The following LCTL variants were observed in gnomAD, a reference collection of about 807,000 sequenced individuals.
LCTL encodes the protein lactase-like protein.
In LCTL, 76 loss-of-function variants were observed where a neutral mutation model predicts 75.8. The ratio of observed to expected loss-of-function variants is 1.00; its 90% CI spans 0.83 to 1.21. LCTL has a LOEUF of 1.21. Ranked by LOEUF, LCTL falls within the 50% of genes most tolerant of loss-of-function variation. LCTL has a pLI of 0.00. For missense variants in LCTL, 670 were observed against 712.4 expected, an observed-to-expected ratio of 0.94 and a Z score of 0.68; for synonymous variants, 271 against 268.8, an observed-to-expected ratio of 1.01 and a Z score of -0.08.
chr15:66,548,611 A>T lies in LCTL; in HGVS notation c.1589-6T>A, dbSNP rs1392374555. The T allele has an allele frequency of 6.7e-7, 1 of 1,482,642 alleles. No individual in the cohort carries two copies. The highest frequency in any genetic ancestry group is 1.7e-5 in the Admixed American group (1 of 59,812). The allele number at this position is 1,482,642 out of a possible 1,614,324, so 91.8% of individuals were successfully genotyped here. A position where few individuals can be genotyped will look rare whatever the true frequency, so the allele number is the denominator to read the frequency against. On this transcript the variant is annotated splice_region_variant and splice_polypyrimidine_tract_variant and intron_variant, in intron 12 of 12. Transcript: ENST00000341509. ...CATGTGACTTAGCAAGGGCTCTGAA[A>T]TGACAAAGAGAACGAGCACCACAAA...
At chr15:66,551,710 T>C (rs1370303834) in exon 11 of LCTL, 18 of 1,614,032 alleles carry the variant, frequency 1.1e-5, no homozygotes, top group Non-Finnish European at 1.4e-5. Context: ...TCTTGTAATA[T>C]TGAACTGAAG....
At chr15:66,547,776 A>G (rs550696700) in exon 13 of LCTL, 1 of 152,016 alleles carries the variant, frequency 6.6e-6, no homozygotes, top group Non-Finnish European at 1.5e-5. Flanking sequence ...AAGGATTGTT[A>G]TCTATAGATT....
At chr15:66,557,947 G>A in intron 7 of LCTL, 35 bp downstream of exon 8, 2 of 1,608,406 alleles carry the variant, frequency 1.2e-6, no homozygotes, top group South Asian at 1.1e-5. Flanking sequence ...CGGGCACTTG[G>A]CTGTCCTGGG....
At chr15:66,558,669 TTG>T (rs1163022765) in intron 6 of LCTL, among the ~76,000 whole-genome samples, 7,836 of 137,632 alleles carry the variant, frequency 0.057, 302 homozygotes, top group African/African-American at 0.11. Context: ...TCTGTGGTTT[TTG>T]TGTGTGTGTG....
At chr15:66,564,747 G>T in exon 2 of LCTL, 1 of 1,613,632 alleles carries the variant, frequency 6.2e-7, no homozygotes, top group East Asian at 2.2e-5. Flanking sequence ...TTCCCACTGT[G>T]TGTGAAGACG....
chr15:66,560,756 C>T (rs1360116980), intron 6 of LCTL, among the ~76,000 whole-genome samples: 2 of 152,310 alleles, frequency 1.3e-5, no homozygotes, highest in East Asian at 1.9e-4. Flanking sequence ...CTGTAGTTGA[C>T]GCATTTCCAC....
At chr15:66,562,513 T>G (rs1207607718) in intron 4 of LCTL, among the ~76,000 whole-genome samples, 1 of 151,984 alleles carries the variant, frequency 6.6e-6, no homozygotes, top group Non-Finnish European at 1.5e-5. Context: ...GGGTCATATA[T>G]GAGTGCTTGT....
intron 9 of LCTL, among the ~76,000 whole-genome samples, chr15:66,552,504 C>T (rs1326832783): frequency 6.6e-6 from 1 of 151,760 alleles, no homozygotes; most frequent in African/African-American, 2.4e-5. Context: ...AAACCTGTCT[C>T]TACTAAAAAT....
At chr15:66,553,167 G>T (rs1895653780) in exon 9 of LCTL, 1 of 1,611,002 alleles carries the variant, frequency 6.2e-7, no homozygotes, top group Admixed American at 1.7e-5. Flanking sequence ...CTAATCCCAA[G>T]AAATCGGATG....
intron 8 of LCTL, among the ~76,000 whole-genome samples, chr15:66,556,027 A>T (rs535841221): frequency 2.0e-5 from 3 of 152,316 alleles, no homozygotes; most frequent in Admixed American, 2.0e-4. Flanking sequence ...ATGTGGAGTA[A>T]TTGGAACCCT....
At chr15:66,550,582 G>A (rs1895561590) in intron 11 of LCTL, among the ~76,000 whole-genome samples, 6 of 152,100 alleles carry the variant, frequency 3.9e-5, no homozygotes, top group Admixed American at 3.3e-4. Context: ...TTGGGCTCAA[G>A]TGATCCTCAC....
chr15:66,548,485 C>T (rs1396766089), exon 13 of LCTL: 2 of 1,535,960 alleles, frequency 1.3e-6, no homozygotes, highest in South Asian at 1.1e-5. Context: ...ATTGATAATC[C>T]TGTCTCAGCT....
At chr15:66,557,796 A>C (rs1324094165) in exon 8 of LCTL, 1 of 1,614,156 alleles carries the variant, frequency 6.2e-7, no homozygotes, top group South Asian at 1.1e-5. Flanking sequence ...ACAGAACTGT[A>C]GGTATCTCTC....
intron 3 of LCTL, 135 bp downstream of exon 4, chr15:66,563,776 A>G: frequency 1.2e-6 from 1 of 854,284 alleles, no homozygotes. Flanking sequence ...TACCTGCAGA[A>G]CCTGTGAGAG....
chr15:66,565,168 A>G, intron 1 of LCTL, 80 bp downstream of exon 2: 1 of 934,242 alleles, frequency 1.1e-6, no homozygotes, highest in Non-Finnish European at 1.8e-6. Flanking sequence ...AAGCAAGAAC[A>G]CCAAACTCCT....
At chr15:66,548,477 T>C (rs772215186) in exon 13 of LCTL, 8 of 1,470,110 alleles carry the variant, frequency 5.4e-6, no homozygotes, top group Admixed American at 1.7e-5. Context: ...GCTCCAAAAT[T>C]GATAATCCTG....
chr15:66,561,106 A>T lies in LCTL; in HGVS notation c.610-5T>A. ...ATAGCCTTTTTCTGCCATTGCCTAT[A>T]GGGACAGCAAGCAGGACCACAGGAT... is the stretch of plus-strand genomic sequence containing the variant. On this transcript the variant is annotated splice_polypyrimidine_tract_variant and splice_region_variant and intron_variant, in intron 5 of 12. Coordinates refer to ENST00000341509, the Ensembl canonical transcript of LCTL. 6.2e-7 allele frequency: 1 copy of T among 1,614,152 alleles called. No individual in the cohort carries two copies. Among genetic ancestry groups the T allele is most frequent in the South Asian group, 1.1e-5 (1 of 91,088 alleles).
At chr15:66,551,304 A>C (rs1895588676) in intron 11 of LCTL, among the ~76,000 whole-genome samples, 1 of 140,748 alleles carries the variant, frequency 7.1e-6, no homozygotes, top group Non-Finnish European at 1.5e-5. Context: ...CCGAGATCGC[A>C]CTACTGCACT....
At chr15:66,553,867 G>A (rs1044028421) in intron 8 of LCTL, among the ~76,000 whole-genome samples, 3 of 151,830 alleles carry the variant, frequency 2.0e-5, no homozygotes, top group Admixed American at 6.6e-5. Context: ...TTAAAAATGG[G>A]TAATTTGGCC....
Sources: allele counts gnomAD v4.1 joint callset (sites outside exome capture counted in the v4.1 genomes callset), GRCh38; gene constraint gnomAD v4.1.1; transcripts MANE v1.5; gene names NCBI Gene and HGNC (gene_info 2026-07-23, HGNC 2026-07-21).